Variants in ADGRB3 observed in about 807,000 individuals in gnomAD.
The protein encoded by ADGRB3 is brain-specific angiogenesis inhibitor 3.
Under a neutral mutation model 193.4 loss-of-function variants are expected in ADGRB3, and 37 were observed. That is an observed-to-expected ratio of 0.19 (90% CI 0.15 to 0.25). ADGRB3 has a LOEUF of 0.25. ADGRB3 is among the 10% of genes least tolerant of loss of function. The pLI, the probability that ADGRB3 is intolerant of heterozygous loss-of-function variation, is 1.00. For synonymous variants in ADGRB3, 690 were observed against 644.2 expected (o/e 1.07, Z -1.08); for missense variants, 1,637 against 1,852.9 (o/e 0.88, Z 2.14).
At chr6:68,709,458 A>G (rs1168387746) in intron 3 of ADGRB3, among the ~76,000 whole-genome samples, 2 of 152,210 alleles carry the variant, frequency 1.3e-5, no homozygotes, top group African/African-American at 4.8e-5. Flanking sequence ...AATTTTACAT[A>G]ACAATAGGTA....
intron 3 of ADGRB3, among the ~76,000 whole-genome samples, chr6:68,811,060 A>G (rs938873224): frequency 6.6e-6 from 1 of 152,098 alleles, no homozygotes; most frequent in Non-Finnish European, 1.5e-5. Flanking sequence ...TGTTTACCCT[A>G]TGGTTTTATG....
At chr6:69,368,427 A>G (rs1273569525) in intron 29 of ADGRB3, among the ~76,000 whole-genome samples, 6 of 152,122 alleles carry the variant, frequency 3.9e-5, no homozygotes, top group Non-Finnish European at 7.4e-5. Flanking sequence ...TGGTGGATTG[A>G]ATGTGGAAAA....
chr6:69,361,252 A>C lies in ADGRB3; in HGVS notation c.3979A>C (p.Lys1327Gln), dbSNP rs1256248993. 2.5e-6 allele frequency: 4 copies of C among 1,612,912 alleles called. No homozygotes were observed. The highest frequency in any genetic ancestry group is 2.5e-6 in the Non-Finnish European group (3 of 1,179,290). Residue 1327 changes from lysine to glutamine, a missense_variant, in exon 29 of 32, where the codon AAA becomes CAA. Lys to Gln is a moderately conservative substitution (Grantham distance 53). Transcript: ENST00000370598. The stretch of plus-strand genomic sequence containing the variant: ...CCAGCCTTCAATGAAAGAAGAAAGC[A>C]AAATGAATATTGGCATGGAAACCTT... ...NNQPSMKEES[K>Q]MNIGMETLPH...
intron 8 of ADGRB3, among the ~76,000 whole-genome samples, chr6:68,967,600 C>G (rs1164372624): frequency 6.6e-6 from 1 of 151,324 alleles, no homozygotes; most frequent in Admixed American, 6.6e-5. Context: ...GAGGATCCAC[C>G]CCCCACCTCC....
At chr6:68,758,172 AG>A (rs1382651898) in intron 3 of ADGRB3, among the ~76,000 whole-genome samples, 2 of 152,090 alleles carry the variant, frequency 1.3e-5, no homozygotes, top group Non-Finnish European at 2.9e-5. Context: ...TTTGCTGTTA[AG>A]ATTAGAGGTA....
intron 3 of ADGRB3, among the ~76,000 whole-genome samples, chr6:68,710,479 C>T (rs1438815220): frequency 6.6e-6 from 1 of 152,132 alleles, no homozygotes; most frequent in Non-Finnish European, 1.5e-5. Context: ...TCTGGTCTCT[C>T]TCCTGGCTGC....
chr6:69,149,482 G>A (rs1774604688), intron 17 of ADGRB3, among the ~76,000 whole-genome samples: 1 of 152,016 alleles, frequency 6.6e-6, no homozygotes, highest in South Asian at 2.1e-4. Context: ...CCTCAAAACA[G>A]CTATTTTGAA....
chr6:69,091,648 G>A (rs922535903), intron 17 of ADGRB3, among the ~76,000 whole-genome samples: 4 of 152,094 alleles, frequency 2.6e-5, no homozygotes, highest in African/African-American at 9.7e-5. Flanking sequence ...GGAGGCTGGC[G>A]GGTGGGAGGA....
intron 18 of ADGRB3, among the ~76,000 whole-genome samples, chr6:69,233,926 T>C (rs1466662093): frequency 2.6e-5 from 4 of 152,180 alleles, no homozygotes; most frequent in East Asian, 1.9e-4. Context: ...AGCATGGCTG[T>C]CAGGAACTGT....
intron 3 of ADGRB3, among the ~76,000 whole-genome samples, chr6:68,710,243 A>C (rs1342166979): frequency 6.6e-6 from 1 of 152,130 alleles, no homozygotes; most frequent in Non-Finnish European, 1.5e-5. Context: ...ATTCCCTGTA[A>C]GCCCTTTTTT....
intron 27 of ADGRB3, among the ~76,000 whole-genome samples, chr6:69,355,550 G>C (rs1177025290): frequency 1.3e-5 from 2 of 152,078 alleles, no homozygotes; most frequent in African/African-American, 2.4e-5. Flanking sequence ...CTAATATATA[G>C]TAATCAGTTT....
intron 17 of ADGRB3, among the ~76,000 whole-genome samples, chr6:69,113,958 T>A (rs1773448549): frequency 6.6e-6 from 1 of 152,202 alleles, no homozygotes; most frequent in African/African-American, 2.4e-5. Flanking sequence ...TTACCTAATT[T>A]CTTGTGTTCC....
At chr6:68,965,552 G>A (rs577730749) in intron 8 of ADGRB3, among the ~76,000 whole-genome samples, 1 of 152,078 alleles carries the variant, frequency 6.6e-6, no homozygotes, top group Admixed American at 6.6e-5. Flanking sequence ...ACACAAAATT[G>A]ATTTAAGCCC....
intron 24 of ADGRB3, among the ~76,000 whole-genome samples, chr6:69,335,987 T>A (rs924114488): frequency 6.6e-6 from 1 of 152,038 alleles, no homozygotes; most frequent in Non-Finnish European, 1.5e-5. Flanking sequence ...AATAATACAA[T>A]AGTTTAACAA....
At chr6:68,766,945 A>C (rs1766521168) in intron 3 of ADGRB3, among the ~76,000 whole-genome samples, 1 of 152,082 alleles carries the variant, frequency 6.6e-6, no homozygotes, top group African/African-American at 2.4e-5. Flanking sequence ...GTTCTCAAAA[A>C]AAATTGTTAT....
chr6:69,340,739 A>T (rs1198399795), intron 26 of ADGRB3, among the ~76,000 whole-genome samples: 1 of 152,032 alleles, frequency 6.6e-6, no homozygotes, highest in African/African-American at 2.4e-5. Flanking sequence ...TACATTAGGT[A>T]TTTCTCCTAA....
chr6:69,365,756 C>T (rs995762770), intron 29 of ADGRB3, among the ~76,000 whole-genome samples: 1 of 152,116 alleles, frequency 6.6e-6, no homozygotes, highest in East Asian at 1.9e-4. Flanking sequence ...AATTTTTATA[C>T]ACCAGTTTTT....
chr6:69,388,914 A>G lies in ADGRB3; in HGVS notation c.*23A>G. 1 of 1,600,240 alleles carries G rather than the reference A, an allele frequency of 6.2e-7. No homozygotes were observed. The highest frequency in any genetic ancestry group is 8.5e-7 in the Non-Finnish European group (1 of 1,173,462). ...TAAAAAAATCAAAATGGACTAAGGTAGAGACAAAACTTTATTGCACTGACA... is the reference window on the plus strand; with the variant it reads ...TAAAAAAATCAAAATGGACTAAGGTGGAGACAAAACTTTATTGCACTGACA... On this transcript the variant is annotated 3_prime_UTR_variant, in exon 32 of 32. Transcript: ENST00000370598.
intron 17 of ADGRB3, among the ~76,000 whole-genome samples, chr6:69,160,719 G>A (rs1774962328): frequency 6.6e-6 from 1 of 151,944 alleles, no homozygotes; most frequent in African/African-American, 2.4e-5. Flanking sequence ...TGCTAGATTT[G>A]TAATATCTGT....
Sources: allele counts gnomAD v4.1 joint callset (sites outside exome capture counted in the v4.1 genomes callset), GRCh38; gene constraint gnomAD v4.1.1; transcripts MANE v1.5; gene names NCBI Gene and HGNC (gene_info 2026-07-23, HGNC 2026-07-21).